Variants in ACVR2A observed in about 807,000 individuals in gnomAD.
ACVR2A encodes the protein activin receptor type-2A.
A neutral mutation model predicts 61.4 loss-of-function variants in ACVR2A; 7 were observed. The observed-to-expected ratio is 0.11, with a 90% confidence interval of 0.06 to 0.21. ACVR2A has a LOEUF of 0.21. Ranked by LOEUF, ACVR2A falls within the 10% of genes least tolerant of loss-of-function variation. ACVR2A has a pLI of 1.00. For synonymous variants in ACVR2A, 193 were observed against 208.3 expected (o/e 0.93, Z 0.63); for missense variants, 322 against 621.7 (o/e 0.52, Z 5.13).
At chr2:147,854,262 T>C (rs1685516203) in intron 1 of ACVR2A, among the ~76,000 whole-genome samples, 1 of 152,204 alleles carries the variant, frequency 6.6e-6, no homozygotes, top group Admixed American at 6.5e-5. Context: ...CTTTAAGGTC[T>C]CACTGTTTTA....
intron 1 of ACVR2A, among the ~76,000 whole-genome samples, chr2:147,891,771 C>A (rs1320616536): frequency 1.3e-5 from 2 of 152,104 alleles, no homozygotes; most frequent in Non-Finnish European, 2.9e-5. Flanking sequence ...TATTTACTGT[C>A]TGAATCTTTA....
Position 147,923,100 on chromosome 2 carries a change from C to G in ACVR2A, c.1205C>G (p.Thr402Ser), listed in dbSNP as rs199516039. Residue 402 changes from threonine (T) to serine (S), a missense_variant, in exon 9 of 11, where the codon ACT (threonine) becomes AGT (serine). Thr to Ser is a moderately conservative substitution (Grantham distance 58). Coordinates refer to ENST00000241416, the MANE Select transcript of ACVR2A (RefSeq NM_001616.5). Reference protein sequence around the residue: ...LVLWELASRCTAADGPVDEYM... With the variant: ...LVLWELASRCSAADGPVDEYM... ...CTATGGGAACTGGCTTCTCGCTGTA[C>G]TGCTGCAGATGGTAAGGGAAAAAAA... The G allele has an allele frequency of 8.7e-6, 14 of 1,608,294 alleles. No homozygotes were observed. Among genetic ancestry groups the G allele is most frequent in the Non-Finnish European group, 2.5e-6 (3 of 1,178,198 alleles).
intron 1 of ACVR2A, among the ~76,000 whole-genome samples, chr2:147,893,243 C>T (rs1303969281): frequency 6.6e-6 from 1 of 152,068 alleles, no homozygotes; most frequent in Admixed American, 6.6e-5. Flanking sequence ...CTAGTTCATT[C>T]CTTTTTTATT....
intron 1 of ACVR2A, among the ~76,000 whole-genome samples, chr2:147,879,154 G>A (rs1194614435): frequency 1.3e-5 from 2 of 152,124 alleles, no homozygotes; most frequent in Admixed American, 1.3e-4. Flanking sequence ...GTGAACTGGT[G>A]ATAACTGTTT....
chr2:147,904,608 C>A (rs1686943547), intron 4 of ACVR2A, among the ~76,000 whole-genome samples: 1 of 151,726 alleles, frequency 6.6e-6, no homozygotes, highest in Admixed American at 6.6e-5. Flanking sequence ...CTTTGGGATA[C>A]CTAAATTAGG....
At chr2:147,878,028 GA>G (rs1297914231) in intron 1 of ACVR2A, among the ~76,000 whole-genome samples, 1 of 152,126 alleles carries the variant, frequency 6.6e-6, no homozygotes, top group African/African-American at 2.4e-5. Flanking sequence ...TGTAGTATGT[GA>G]TTTTTTTTCC....
intron 1 of ACVR2A, among the ~76,000 whole-genome samples, chr2:147,883,162 TGTA>T (rs2105173388): frequency 6.6e-6 from 1 of 152,224 alleles, no homozygotes; most frequent in Non-Finnish European, 1.5e-5. Flanking sequence ...AGACTCAATG[TGTA>T]GTAAAATGAG....
chr2:147,900,018 T>A, intron 4 of ACVR2A, 120 bp downstream of exon 4: 1 of 1,183,782 alleles, frequency 8.4e-7, no homozygotes, highest in Non-Finnish European at 1.2e-6. Context: ...TTTTGAATGT[T>A]TATTGTCATG....
At chr2:147,878,015 G>T (rs1686202885) in intron 1 of ACVR2A, among the ~76,000 whole-genome samples, 1 of 152,098 alleles carries the variant, frequency 6.6e-6, no homozygotes. Flanking sequence ...AGAAGCTGTT[G>T]CCTGTAGTAT....
intron 2 of ACVR2A, among the ~76,000 whole-genome samples, chr2:147,897,361 C>A (rs1352100211): frequency 5.3e-5 from 8 of 152,128 alleles, no homozygotes; most frequent in African/African-American, 1.9e-4. Context: ...AACTAACAGT[C>A]CTCAAACTAC....
chr2:147,865,086 C>T (rs1685820177), intron 1 of ACVR2A, among the ~76,000 whole-genome samples: 1 of 152,060 alleles, frequency 6.6e-6, no homozygotes, highest in South Asian at 2.1e-4. Context: ...GATTCTACTC[C>T]ACCTAGTCTT....
At chr2:147,883,571 A>G (rs1686361751) in intron 1 of ACVR2A, among the ~76,000 whole-genome samples, 1 of 152,192 alleles carries the variant, frequency 6.6e-6, no homozygotes, top group Admixed American at 6.5e-5. Context: ...TTTAATACTC[A>G]TAATCTTGCT....
intron 1 of ACVR2A, among the ~76,000 whole-genome samples, chr2:147,877,039 C>CAT (rs10628410): frequency 0.33 from 50,000 of 151,872 alleles, 8,468 homozygotes; most frequent in East Asian, 0.52. Flanking sequence ...TTCTTCTACA[C>CAT]GTCTTGATCG....
intron 4 of ACVR2A, among the ~76,000 whole-genome samples, chr2:147,910,345 G>C (rs1687084445): frequency 6.6e-6 from 1 of 152,078 alleles, no homozygotes; most frequent in Non-Finnish European, 1.5e-5. Flanking sequence ...ATTTAAACAA[G>C]ATCTGAGAGA....
chr2:147,869,136 AT>A (rs1010886256), intron 1 of ACVR2A, among the ~76,000 whole-genome samples: 10 of 151,830 alleles, frequency 6.6e-5, no homozygotes, highest in African/African-American at 9.7e-5. Context: ...ACCTTGCATT[AT>A]TTTTTTCTTT....
chr2:147,863,243 C>T (rs1462295571), intron 1 of ACVR2A, among the ~76,000 whole-genome samples: 1 of 152,162 alleles, frequency 6.6e-6, no homozygotes, highest in East Asian at 1.9e-4. Context: ...CTGTTGCCAG[C>T]ACCCCTTGAA....
At chr2:147,846,737 G>C (rs1314940392) in intron 1 of ACVR2A, among the ~76,000 whole-genome samples, 1 of 152,204 alleles carries the variant, frequency 6.6e-6, no homozygotes, top group Non-Finnish European at 1.5e-5. Context: ...TCTTGCTTTT[G>C]TGACATGACT....
Position 147,845,088 on chromosome 2 carries a change from AG to A in ACVR2A, c.-63del. 1 of 1,291,454 alleles carries A rather than the reference AG, an allele frequency of 7.7e-7. No homozygotes were observed. Among genetic ancestry groups the A allele is most frequent in the South Asian group, 1.2e-5 (1 of 85,962 alleles). 80.0% of individuals were successfully genotyped at this position (1,291,454 alleles called of 1,614,324 possible). On this transcript the variant is annotated 5_prime_UTR_variant, in exon 1 of 11. An upstream open reading frame in the 5' UTR gains an earlier in-frame stop. Coordinates refer to ENST00000241416, the MANE Select transcript of ACVR2A (RefSeq NM_001616.5). Reference sequence around the variant, plus strand: ...TTTTACACCAGGAGGTTTGTCTCCGAGGAAGACCCAGGGAACTGGATATCTA... The same window carrying A: ...TTTTACACCAGGAGGTTTGTCTCCGAGAAGACCCAGGGAACTGGATATCTA...
chr2:147,896,144 A>G (rs1686727674), intron 1 of ACVR2A, among the ~76,000 whole-genome samples, 157 bp from the exon 2 acceptor site: 2 of 152,198 alleles, frequency 1.3e-5, no homozygotes, highest in African/African-American at 4.8e-5. Context: ...TTTATATTTA[A>G]AGTACAGGGA....
Sources: allele counts gnomAD v4.1 joint callset (sites outside exome capture counted in the v4.1 genomes callset), GRCh38; gene constraint gnomAD v4.1.1; transcripts MANE v1.5; gene names NCBI Gene and HGNC (gene_info 2026-07-23, HGNC 2026-07-21).